SUSD5: variants seen among roughly 807,000 people sequenced by gnomAD.
SUSD5 encodes sushi domain-containing protein 5.
SUSD5 carries 33 observed loss-of-function variants against 29.5 expected under a neutral mutation model. The observed-to-expected ratio is 1.12, with a 90% CI of 0.85 to 1.49. The LOEUF is 1.49. Ranked by LOEUF, SUSD5 falls within the 40% of genes most tolerant of loss-of-function variation. The pLI is 0.00. For synonymous variants in SUSD5, 308 were observed against 325.3 expected, an observed-to-expected ratio of 0.95 and a Z score of 0.57; for missense variants, 776 against 800.6, an observed-to-expected ratio of 0.97 and a Z score of 0.37.
At chr3:33,178,153 A>C (rs1240697533) in intron 3 of SUSD5, among the ~76,000 whole-genome samples, 1 of 152,088 alleles carries the variant, frequency 6.6e-6, no homozygotes. Flanking sequence ...ATTGAGTTGA[A>C]GAAGTTCCCC....
chr3:33,209,345 ATT>A (rs2032280040), intron 2 of SUSD5, among the ~76,000 whole-genome samples: 1 of 151,978 alleles, frequency 6.6e-6, no homozygotes, highest in South Asian at 2.1e-4. Flanking sequence ...ATTGTGGATC[ATT>A]TTCATATTAC....
intron 4 of SUSD5, among the ~76,000 whole-genome samples, chr3:33,169,675 A>C (rs899287093): frequency 3.3e-5 from 5 of 152,232 alleles, no homozygotes; most frequent in Non-Finnish European, 5.9e-5. Context: ...CTAACTGGGC[A>C]ATGTGTCTTG....
At chr3:33,213,804 TGAACAC>T in intron 2 of SUSD5, 118 bp downstream of exon 2, 1 of 1,057,568 alleles carries the variant, frequency 9.5e-7, no homozygotes, top group Non-Finnish European at 1.3e-6. Flanking sequence ...AAACAAAACA[TGAACAC>T]GCTACTGCCC....
At chr3:33,207,328 A>G (rs750791497) in intron 3 of SUSD5, among the ~76,000 whole-genome samples, 5 of 152,124 alleles carry the variant, frequency 3.3e-5, no homozygotes, top group Non-Finnish European at 5.9e-5. Flanking sequence ...TACCATTCCC[A>G]TGCACACGGA....
chr3:33,152,622 G>A lies in SUSD5; in HGVS notation c.*120C>T. ...GACACTTCTCAGCCTATAAAACAAA[G>A]GGCTGAGGAAAAAATGATGAGCCTC... On this transcript the variant is annotated 3_prime_UTR_variant, in exon 5 of 5. Transcript: ENST00000309558. The A allele has an allele frequency of 8.7e-7, 1 of 1,149,356 alleles. No individual in the cohort carries two copies. Among genetic ancestry groups the A allele is most frequent in the Admixed American group, 2.9e-5 (1 of 34,770 alleles). 71.2% of individuals were successfully genotyped at this position (1,149,356 alleles called of 1,614,324 possible).
At chr3:33,198,832 C>T (rs984246966) in intron 3 of SUSD5, among the ~76,000 whole-genome samples, 3 of 152,102 alleles carry the variant, frequency 2.0e-5, no homozygotes, top group African/African-American at 7.2e-5. Flanking sequence ...TGGTACACTG[C>T]AGAGGAAAGC....
chr3:33,180,962 G>A (rs916543966), intron 3 of SUSD5, among the ~76,000 whole-genome samples: 22 of 150,212 alleles, frequency 1.5e-4, no homozygotes, highest in African/African-American at 5.4e-4. Context: ...TGGGGTTGCA[G>A]GCATGAGCCA....
intron 1 of SUSD5, among the ~76,000 whole-genome samples, chr3:33,216,681 G>A (rs2032433087): frequency 6.6e-6 from 1 of 152,116 alleles, no homozygotes; most frequent in Non-Finnish European, 1.5e-5. Context: ...CACGTTTTTA[G>A]AAATAGTTTC....
At chr3:33,183,993 A>G (rs1321741043) in intron 3 of SUSD5, among the ~76,000 whole-genome samples, 2 of 119,418 alleles carry the variant, frequency 1.7e-5, no homozygotes, top group East Asian at 4.9e-4. Flanking sequence ...GCTGGAGTGC[A>G]GTGGCGTGAT....
At chr3:33,182,633 T>TAA (rs1164867871) in intron 3 of SUSD5, among the ~76,000 whole-genome samples, 2 of 152,244 alleles carry the variant, frequency 1.3e-5, no homozygotes, top group Non-Finnish European at 2.9e-5. Flanking sequence ...AAGATGGTTA[T>TAA]GTCTTCTTAG....
intron 4 of SUSD5, among the ~76,000 whole-genome samples, chr3:33,165,534 A>G (rs2031285307): frequency 1.3e-5 from 2 of 152,230 alleles, no homozygotes. Context: ...AAATATAAAT[A>G]GACAATCAGA....
At chr3:33,196,763 T>C (rs889342474) in intron 3 of SUSD5, among the ~76,000 whole-genome samples, 5 of 152,126 alleles carry the variant, frequency 3.3e-5, no homozygotes, top group African/African-American at 1.2e-4. Flanking sequence ...GAAAGAACTA[T>C]CCTGAGCAAA....
Position 33,153,366 on chromosome 3 carries a change from A to G in SUSD5, c.1266T>C (p.Ser422=). Residue 422 remains serine, a synonymous_variant, in exon 5 of 5, where the codon AGT becomes AGC. Coordinates refer to ENST00000309558, the MANE Select transcript of SUSD5 (RefSeq NM_015551.2). ...PILVEVKKPK[S]STLTPSEGMT... ...TGCCCTCGCTTGGTGTGAGGGTGCT[A>G]CTCTTGGGCTTCTTAACTTCCACAA... 1 of 1,613,630 alleles carries G rather than the reference A, an allele frequency of 6.2e-7. No homozygotes were observed.
chr3:33,212,902 T>C (rs1459551475), intron 2 of SUSD5, among the ~76,000 whole-genome samples: 1 of 152,124 alleles, frequency 6.6e-6, no homozygotes, highest in Non-Finnish European at 1.5e-5. Context: ...GTGAAAAAAT[T>C]TGTGGCCATA....
intron 2 of SUSD5, among the ~76,000 whole-genome samples, chr3:33,212,189 A>T (rs538706620): frequency 5.6e-4 from 85 of 152,328 alleles, no homozygotes; most frequent in African/African-American, 2.0e-3. Flanking sequence ...GTGTCAAAAC[A>T]TCACTACGCA....
Position 33,207,937 on chromosome 3 carries a change from C to T in SUSD5, c.291-11G>A. 1 of 1,594,748 alleles carries T rather than the reference C, an allele frequency of 6.3e-7. No homozygotes were observed. Among genetic ancestry groups the T allele is most frequent in the Non-Finnish European group, 8.6e-7 (1 of 1,166,854 alleles). On this transcript the variant is annotated splice_polypyrimidine_tract_variant and intron_variant, in intron 2 of 4. Coordinates refer to ENST00000309558, the MANE Select transcript of SUSD5 (RefSeq NM_015551.2). ...CTACACACAGTTGTTCTGAAATAGA[C>T]AAAAAAGGCACTGAATGAGGAAAAC... is the stretch of plus-strand genomic sequence containing the variant.
chr3:33,210,811 A>T (rs2125633340), intron 2 of SUSD5, among the ~76,000 whole-genome samples: 1 of 152,356 alleles, frequency 6.6e-6, no homozygotes, highest in Admixed American at 6.5e-5. Flanking sequence ...TTAAAAAGGG[A>T]TAGAAAAACT....
At chr3:33,187,654 CTTTT>C (rs56965213) in intron 3 of SUSD5, among the ~76,000 whole-genome samples, 1 of 143,842 alleles carries the variant, frequency 7.0e-6, no homozygotes, top group African/African-American at 2.5e-5. Context: ...TACTAACAGT[CTTTT>C]TTTTTTTTTT....
intron 3 of SUSD5, among the ~76,000 whole-genome samples, chr3:33,197,026 G>A (rs2032008954): frequency 6.6e-6 from 1 of 152,218 alleles, no homozygotes; most frequent in African/African-American, 2.4e-5. Flanking sequence ...TTAAATGAGT[G>A]AACACAGGGT....
Sources: allele counts gnomAD v4.1 joint callset (sites outside exome capture counted in the v4.1 genomes callset), GRCh38; gene constraint gnomAD v4.1.1; transcripts MANE v1.5; gene names NCBI Gene and HGNC (gene_info 2026-07-23, HGNC 2026-07-21).